Variants in DIAPH2 observed in about 807,000 individuals in gnomAD.
DIAPH2 encodes protein diaphanous homolog 2.
In DIAPH2, 35 loss-of-function variants were observed where a neutral mutation model predicts 92.7. The ratio of observed to expected loss-of-function variants is 0.38; its 90% CI spans 0.29 to 0.50. DIAPH2 has a LOEUF of 0.50. DIAPH2 is among the 20% of genes least tolerant of loss of function. The pLI is 0.94. For missense variants in DIAPH2, 701 were observed against 819.5 expected (o/e 0.86, Z 1.77); for synonymous variants, 301 against 280.4 (o/e 1.07, Z -0.73).
At chrX:96,942,213 G>A in intron 13 of DIAPH2, 77 bp downstream of exon 13, 1 of 595,206 alleles carries the variant, frequency 1.7e-6, no homozygotes, top group Non-Finnish European at 2.8e-6. Context: ...AAGTGAAGAA[G>A]TTCAGTAAGA....
chrX:97,133,566 C>T (rs28484673), intron 21 of DIAPH2, among the ~76,000 whole-genome samples: 3,034 of 112,053 alleles, frequency 0.027, 99 homozygotes, highest in African/African-American at 0.088. Context: ...AGATTATAGG[C>T]GTGAGCCACT....
Position 97,064,359 on chromosome X carries a change from GC to G in DIAPH2, c.2051-8581del, listed in dbSNP as rs752711971. 8.1e-5 allele frequency among the ~76,000 whole-genome samples: 9 copies of G among 110,836 alleles called. No individual in the cohort carries two copies. The East Asian group carries it at 2.6e-3, about 32-fold the overall frequency. The stretch of plus-strand genomic sequence containing the variant: ...TTCCTCTTGCCTATGCCTTCTGTGA[GC>G]ATATAGCTCCACTCTACACAACCAT... On this transcript the variant is annotated intron_variant, in intron 17 of 26. Coordinates refer to ENST00000324765, the MANE Select transcript of DIAPH2 (RefSeq NM_006729.5).
intron 4 of DIAPH2, among the ~76,000 whole-genome samples, chrX:96,812,286 A>G (rs2064690055): frequency 8.9e-6 from 1 of 111,977 alleles, no homozygotes; most frequent in African/African-American, 3.2e-5. Flanking sequence ...CATTTGTTTT[A>G]GATTTTCTAG....
chrX:96,831,570 AAC>A (rs1797397764), intron 4 of DIAPH2, among the ~76,000 whole-genome samples: 1 of 112,609 alleles, frequency 8.9e-6, no homozygotes, highest in African/African-American at 3.2e-5. Context: ...TAACATTTAA[AAC>A]ACAGCACTAT....
At chrX:96,879,467 G>A (rs551537651) in intron 4 of DIAPH2, among the ~76,000 whole-genome samples, 2 of 111,555 alleles carry the variant, frequency 1.8e-5, no homozygotes, top group Middle Eastern at 4.6e-3. Context: ...ATTTTAATTC[G>A]TTTTACTAGT....
chrX:97,190,029 T>A (rs2067640051), intron 22 of DIAPH2, among the ~76,000 whole-genome samples: 1 of 113,271 alleles, frequency 8.8e-6, no homozygotes, highest in Admixed American at 9.3e-5. Flanking sequence ...ATAGACAGTA[T>A]CAAAACGGCT....
intron 23 of DIAPH2, among the ~76,000 whole-genome samples, chrX:97,334,687 C>CA (rs1258707312): frequency 0.025 from 2,423 of 95,774 alleles, 28 homozygotes; most frequent in Middle Eastern, 0.034. Flanking sequence ...CAAAACAAAA[C>CA]AAAAAAAAAA....
intron 10 of DIAPH2, among the ~76,000 whole-genome samples, 170 bp downstream of exon 10, chrX:96,931,013 A>T (rs1027067258): frequency 2.1e-4 from 24 of 112,236 alleles, no homozygotes; most frequent in Admixed American, 1.9e-3. Flanking sequence ...CTACATACAA[A>T]TGATGATTCA....
intron 9 of DIAPH2, among the ~76,000 whole-genome samples, chrX:96,927,282 A>ATTT (rs5903060): frequency 1.3e-3 from 105 of 82,126 alleles, no homozygotes; most frequent in African/African-American, 4.2e-3. Flanking sequence ...CTGGAGTTGA[A>ATTT]TTTTTTTTTT....
intron 26 of DIAPH2, among the ~76,000 whole-genome samples, chrX:97,501,652 T>C (rs1178770068): frequency 1.8e-5 from 2 of 111,805 alleles, no homozygotes; most frequent in East Asian, 5.6e-4. Context: ...GACTTCTGTT[T>C]ATTTATATAC....
chrX:97,366,634 T>A (rs1346661827), intron 24 of DIAPH2, among the ~76,000 whole-genome samples: 1 of 111,665 alleles, frequency 9.0e-6, no homozygotes, highest in Non-Finnish European at 1.9e-5. Context: ...GTCACTAGAT[T>A]TTTTTTTCTC....
chrX:97,559,594 G>A (rs1464903490), intron 26 of DIAPH2, among the ~76,000 whole-genome samples: 1 of 111,294 alleles, frequency 9.0e-6, no homozygotes, highest in African/African-American at 3.3e-5. Flanking sequence ...TTCTTAAAAT[G>A]CTAAAAGCAT....
intron 22 of DIAPH2, among the ~76,000 whole-genome samples, chrX:97,185,421 A>ATGTGTG (rs1490680224): frequency 7.9e-5 from 4 of 50,429 alleles, no homozygotes; most frequent in African/African-American, 3.2e-4. Context: ...GTATATATAT[A>ATGTGTG]TGTATATATA....
intron 4 of DIAPH2, among the ~76,000 whole-genome samples, chrX:96,872,972 A>G (rs1384225975): frequency 9.0e-6 from 1 of 111,641 alleles, no homozygotes; most frequent in Non-Finnish European, 1.9e-5. Flanking sequence ...ATGGTAGCTC[A>G]ATTGTTAGTT....
chrX:96,912,231 G>T, intron 5 of DIAPH2, 97 bp from the exon 6 acceptor site: 1 of 691,271 alleles, frequency 1.4e-6, no homozygotes, highest in Non-Finnish European at 2.2e-6. Context: ...TATTGAGACA[G>T]AATTATCAGA....
intron 22 of DIAPH2, among the ~76,000 whole-genome samples, chrX:97,230,126 G>A (rs954891349): frequency 9.1e-6 from 1 of 110,477 alleles, no homozygotes; most frequent in Admixed American, 9.8e-5. Flanking sequence ...TCTATTTGGA[G>A]TTAAAGCAGT....
chrX:97,406,600 AGAGTAT>A (rs1194860925), intron 25 of DIAPH2, among the ~76,000 whole-genome samples: 1 of 112,001 alleles, frequency 8.9e-6, no homozygotes, highest in Non-Finnish European at 1.9e-5. Context: ...ATACGTCGTA[AGAGTAT>A]AAGTAGTGTA....
intron 22 of DIAPH2, among the ~76,000 whole-genome samples, chrX:97,222,331 A>G (rs936769313): frequency 9.0e-6 from 1 of 111,278 alleles, no homozygotes; most frequent in African/African-American, 3.3e-5. Context: ...CAGCCTCCCG[A>G]GTAGCTGGGT....
intron 4 of DIAPH2, among the ~76,000 whole-genome samples, chrX:96,831,533 C>T (rs1489248416): frequency 8.9e-6 from 1 of 112,085 alleles, no homozygotes; most frequent in Non-Finnish European, 1.9e-5. Flanking sequence ...GAACCTACCT[C>T]ACAAATTTGT....
Sources: allele counts gnomAD v4.1 joint callset (sites outside exome capture counted in the v4.1 genomes callset), GRCh38; gene constraint gnomAD v4.1.1; transcripts MANE v1.5; gene names NCBI Gene and HGNC (gene_info 2026-07-23, HGNC 2026-07-21).